Variants in LRRC69 observed in about 807,000 individuals in gnomAD.
LRRC69 encodes leucine-rich repeat-containing protein 69.
A neutral mutation model predicts 37.8 loss-of-function variants in LRRC69; 42 were observed. The ratio of observed to expected loss-of-function variants is 1.11; its 90% CI spans 0.87 to 1.44. The LOEUF is 1.44. Among genes scored for constraint, LRRC69 ranks in the 40% most tolerant of loss-of-function variants. The probability of loss-of-function intolerance (pLI) is 0.00; values close to 1 mark genes in which losing one functional copy is unlikely to be tolerated. For synonymous variants in LRRC69, 141 were observed against 143.1 expected, an observed-to-expected ratio of 0.99 and a Z score of 0.11; for missense variants, 357 against 401.9, an observed-to-expected ratio of 0.89 and a Z score of 0.96.
At chr8:91,154,291 G>T (rs1267512540) in intron 5 of LRRC69, among the ~76,000 whole-genome samples, 1 of 150,896 alleles carries the variant, frequency 6.6e-6, no homozygotes, top group Non-Finnish European at 1.5e-5. Flanking sequence ...GCTACCAGAA[G>T]TACAAAGAGG....
chr8:91,157,793 G>A (rs1317082180), intron 5 of LRRC69: 1 of 1,607,872 alleles, frequency 6.2e-7, no homozygotes, highest in Admixed American at 1.7e-5. Context: ...AGCAGTGGAA[G>A]TGGAATGGGA....
chr8:91,140,546 A>G (rs1027000163), intron 5 of LRRC69, among the ~76,000 whole-genome samples: 6 of 151,450 alleles, frequency 4.0e-5, no homozygotes, highest in African/African-American at 1.5e-4. Context: ...AATTCAATGT[A>G]TACTGCATAA....
intron 4 of LRRC69, among the ~76,000 whole-genome samples, chr8:91,135,137 C>T (rs1488364027): frequency 6.6e-6 from 1 of 151,982 alleles, no homozygotes; most frequent in Non-Finnish European, 1.5e-5. Flanking sequence ...AAAATCTCTG[C>T]AGCTAAAACA....
intron 7 of LRRC69, 21 bp from the exon 8 acceptor site, chr8:91,218,868 AT>A (rs1563631727): frequency 6.9e-7 from 1 of 1,454,020 alleles, no homozygotes; most frequent in Non-Finnish European, 9.4e-7. Context: ...CCTAAATTTT[AT>A]TTTTAATCTT....
chr8:91,205,395 C>T (rs1013179681), intron 7 of LRRC69: 1 of 152,218 alleles, frequency 6.6e-6, no homozygotes, highest in Non-Finnish European at 1.5e-5. Context: ...AGAATGAAAT[C>T]CAGGAACAGT....
intron 1 of LRRC69, among the ~76,000 whole-genome samples, chr8:91,113,832 A>G (rs916546103): frequency 6.6e-6 from 1 of 151,776 alleles, no homozygotes; most frequent in Admixed American, 6.6e-5. Context: ...AATACAAAAT[A>G]TATAAGGAAC....
At chr8:91,197,110 G>C (rs1380279922) in intron 6 of LRRC69, among the ~76,000 whole-genome samples, 1 of 152,072 alleles carries the variant, frequency 6.6e-6, no homozygotes, top group African/African-American at 2.4e-5. Context: ...GGTGTGAGGT[G>C]TCAGTGTGCC....
At chr8:91,120,114 G>T (rs12540975) in intron 1 of LRRC69, among the ~76,000 whole-genome samples, 1 of 151,638 alleles carries the variant, frequency 6.6e-6, no homozygotes, top group Non-Finnish European at 1.5e-5. Flanking sequence ...TCTATTAGTT[G>T]TTGTCTTTGC....
At chr8:91,131,446 T>C (rs1813808015) in intron 3 of LRRC69, among the ~76,000 whole-genome samples, 1 of 151,932 alleles carries the variant, frequency 6.6e-6, no homozygotes, top group African/African-American at 2.4e-5. Flanking sequence ...TAGATCAATA[T>C]TAAAAAGTTG....
At chr8:91,117,814 A>G (rs1021539821) in intron 1 of LRRC69, among the ~76,000 whole-genome samples, 3 of 151,888 alleles carry the variant, frequency 2.0e-5, no homozygotes, top group African/African-American at 7.2e-5. Context: ...CCACTAACAT[A>G]TGTGCTATGA....
chr8:91,156,974 A>G (rs1006847334), intron 5 of LRRC69, among the ~76,000 whole-genome samples: 3 of 151,076 alleles, frequency 2.0e-5, no homozygotes, highest in Admixed American at 6.6e-5. Context: ...CCATTGGTCT[A>G]AGTGTCTTTT....
chr8:91,163,864 C>T (rs1014191613), intron 5 of LRRC69, among the ~76,000 whole-genome samples: 1 of 151,230 alleles, frequency 6.6e-6, no homozygotes, highest in African/African-American at 2.4e-5. Context: ...CCACACTTTT[C>T]ATATCTTCTA....
At chr8:91,109,267 A>C (rs1156230258) in intron 1 of LRRC69, among the ~76,000 whole-genome samples, 1 of 152,068 alleles carries the variant, frequency 6.6e-6, no homozygotes, top group Non-Finnish European at 1.5e-5. Flanking sequence ...GGTGTCTAGA[A>C]AAGACACAGC....
rs558085776 is a variant in LRRC69 at position 91,194,403 on chromosome 8, A to C, written c.753+4780A>C. On this transcript the variant is annotated intron_variant, in intron 6 of 7. Coordinates refer to ENST00000448384, the Ensembl canonical transcript of LRRC69. ...GATTCTCTATTGTTTTATTGATTGGAATAGTTTCAGAAGGAATGGTACCAG... is the reference window on the plus strand; with the variant it reads ...GATTCTCTATTGTTTTATTGATTGGCATAGTTTCAGAAGGAATGGTACCAG... Among the ~76,000 whole-genome samples the C allele has an allele frequency of 5.2e-4, 79 of 151,906 alleles. 2 individuals carry two copies. Among genetic ancestry groups the C allele is most frequent in the Admixed American group, 5.1e-3 (78 of 15,286 alleles).
chr8:91,107,738 G>A (rs962506575), intron 1 of LRRC69, among the ~76,000 whole-genome samples: 3 of 151,962 alleles, frequency 2.0e-5, no homozygotes, highest in Non-Finnish European at 4.4e-5. Context: ...AACTAGTGAA[G>A]CTCTGGAAAA....
chr8:91,204,643 C>T (rs1210454381), intron 7 of LRRC69, among the ~76,000 whole-genome samples: 7 of 152,236 alleles, frequency 4.6e-5, no homozygotes, highest in Non-Finnish European at 1.0e-4. Flanking sequence ...GGCCTTTCGC[C>T]TTTCACAGCC....
chr8:91,203,563 T>G (rs562806702), intron 7 of LRRC69, among the ~76,000 whole-genome samples: 13 of 151,552 alleles, frequency 8.6e-5, no homozygotes, highest in East Asian at 6.0e-4. Flanking sequence ...TGGCTTTTTT[T>G]TGTGTGTGTA....
chr8:91,199,419 C>T (rs562286915), intron 6 of LRRC69, among the ~76,000 whole-genome samples: 9 of 152,068 alleles, frequency 5.9e-5, no homozygotes, highest in Non-Finnish European at 1.2e-4. Context: ...GCAGCTTTCT[C>T]GGGTGCTTGT....
intron 6 of LRRC69, among the ~76,000 whole-genome samples, chr8:91,195,502 G>T (rs373661775): frequency 0.032 from 4,802 of 151,208 alleles, 87 homozygotes; most frequent in Middle Eastern, 0.045. Flanking sequence ...GGTCACTCAG[G>T]ACTTGCTTTA....
Sources: gnomAD v4.1 joint callset for allele counts (sites outside exome capture counted in the v4.1 genomes callset) on GRCh38, gnomAD v4.1.1 for gene constraint, MANE v1.5 for transcripts, NCBI Gene and HGNC (gene_info 2026-07-23, HGNC 2026-07-21) for gene names.